Variants in ESRRG observed in about 807,000 individuals in gnomAD.
ESRRG encodes estrogen-related receptor gamma.
A neutral mutation model predicts 44.0 loss-of-function variants in ESRRG; 13 were observed. The ratio of observed to expected loss-of-function variants is 0.30; its 90% confidence interval spans 0.19 to 0.47. The LOEUF is 0.47. ESRRG is among the 20% of genes least tolerant of loss of function. The pLI is 1.00. For missense variants in ESRRG, 395 were observed against 580.6 expected (o/e 0.68, Z 3.29); for synonymous variants, 215 against 214.6 (o/e 1.00, Z -0.02).
chr1:216,777,800 T>C (rs1238686650), intron 2 of ESRRG, among the ~76,000 whole-genome samples: 2 of 152,136 alleles, frequency 1.3e-5, no homozygotes, highest in Non-Finnish European at 2.9e-5. Context: ...CTTTTCTGAA[T>C]GCAGGAATGT....
At chr1:216,514,743 G>A (rs10863246) in intron 6 of ESRRG, among the ~76,000 whole-genome samples, 43,393 of 151,884 alleles carry the variant, frequency 0.29, 7,398 homozygotes, top group East Asian at 0.56. Flanking sequence ...AGCTTTCTTC[G>A]CATACCTGTG....
At chr1:217,123,212 A>G (rs927927970) in intron 1 of ESRRG, among the ~76,000 whole-genome samples, 23 of 152,136 alleles carry the variant, frequency 1.5e-4, no homozygotes, top group African/African-American at 4.8e-4. Context: ...GGAAATGAAA[A>G]GGAATAGATG....
chr1:216,555,693 CTTTG>C (rs919513130), intron 5 of ESRRG, among the ~76,000 whole-genome samples: 1 of 152,120 alleles, frequency 6.6e-6, no homozygotes, highest in East Asian at 1.9e-4. Flanking sequence ...TTCCTCTGCT[CTTTG>C]TTTTTCAGCC....
intron 2 of ESRRG, among the ~76,000 whole-genome samples, chr1:216,657,278 T>C (rs532052005): frequency 6.6e-6 from 1 of 152,290 alleles, no homozygotes; most frequent in South Asian, 2.1e-4. Flanking sequence ...TCAATGCACA[T>C]GTAAGTTAAG....
intron 3 of ESRRG, among the ~76,000 whole-genome samples, chr1:216,614,912 T>A (rs1174734752): frequency 6.6e-6 from 1 of 152,188 alleles, no homozygotes; most frequent in Non-Finnish European, 1.5e-5. Flanking sequence ...TGGGAAATAA[T>A]GGAGAAATGC....
chr1:216,744,053 T>C (rs2091083779), intron 2 of ESRRG, among the ~76,000 whole-genome samples: 1 of 152,152 alleles, frequency 6.6e-6, no homozygotes, highest in South Asian at 2.1e-4. Context: ...TTCCTCTTTT[T>C]ATCTAAGTGA....
intron 5 of ESRRG, among the ~76,000 whole-genome samples, chr1:216,530,525 T>C (rs2049059530): frequency 6.6e-6 from 1 of 152,186 alleles, no homozygotes; most frequent in African/African-American, 2.4e-5. Context: ...AAAAGATCTT[T>C]GTGTAACTGT....
chr1:216,914,906 G>C (rs938746002), intron 2 of ESRRG, among the ~76,000 whole-genome samples: 1 of 152,128 alleles, frequency 6.6e-6, no homozygotes, highest in Non-Finnish European at 1.5e-5. Flanking sequence ...GAAGTCTCAG[G>C]CTCTGAAAAA....
At chr1:216,873,655 T>C (rs971640838) in intron 2 of ESRRG, among the ~76,000 whole-genome samples, 1 of 151,752 alleles carries the variant, frequency 6.6e-6, no homozygotes, top group Non-Finnish European at 1.5e-5. Context: ...CAGCCACATA[T>C]GCCCACATTT....
chr1:217,091,715 T>G (rs1465752483), upstream of ESRRG, among the ~76,000 whole-genome samples: 1 of 152,182 alleles, frequency 6.6e-6, no homozygotes, highest in Non-Finnish European at 1.5e-5. Flanking sequence ...TGTCGGGTGC[T>G]TAGATGTTAC....
chr1:216,534,193 G>A (rs572830184), intron 5 of ESRRG, among the ~76,000 whole-genome samples: 4 of 152,124 alleles, frequency 2.6e-5, no homozygotes, highest in South Asian at 4.1e-4. Context: ...TGTGCTTCTC[G>A]CTCATTCACT....
intron 1 of ESRRG, among the ~76,000 whole-genome samples, chr1:216,967,052 T>G (rs954529621): frequency 6.6e-6 from 1 of 152,120 alleles, no homozygotes; most frequent in African/African-American, 2.4e-5. Flanking sequence ...TGTCTTCTAC[T>G]CTTTTTAAGA....
intron 2 of ESRRG, among the ~76,000 whole-genome samples, chr1:216,783,747 A>G (rs1315569605): frequency 6.6e-6 from 1 of 151,946 alleles, no homozygotes; most frequent in Admixed American, 6.6e-5. Flanking sequence ...TGACAAAACT[A>G]CATTAGAAGG....
At chr1:216,534,854 G>A (rs1057191005) in intron 5 of ESRRG, among the ~76,000 whole-genome samples, 10 of 152,212 alleles carry the variant, frequency 6.6e-5, no homozygotes, top group African/African-American at 9.6e-5. Flanking sequence ...TCCTTTTGAC[G>A]GCATCAGCCT....
chr1:216,836,174 C>T (rs1180148452), intron 2 of ESRRG, among the ~76,000 whole-genome samples: 1 of 151,348 alleles, frequency 6.6e-6, no homozygotes, highest in East Asian at 1.9e-4. Flanking sequence ...ATTTTCAAAC[C>T]TAACAAAAAT....
chr1:216,950,491 A>G (rs755283467), intron 1 of ESRRG, among the ~76,000 whole-genome samples: 4 of 152,186 alleles, frequency 2.6e-5, no homozygotes, highest in Non-Finnish European at 4.4e-5. Context: ...TACTGCCTTG[A>G]TTTTCAACAA....
At chr1:217,089,705 G>C (rs1006125419), upstream of ESRRG, 1 of 152,102 alleles carries the variant, frequency 6.6e-6, no homozygotes, top group Non-Finnish European at 1.5e-5. Context: ...CGGTGGCAAG[G>C]GCACGGCCCC....
chr1:216,850,318 G>A (rs1275023612), intron 2 of ESRRG, among the ~76,000 whole-genome samples: 2 of 151,964 alleles, frequency 1.3e-5, no homozygotes, highest in Non-Finnish European at 2.9e-5. Context: ...TCTAATAAAT[G>A]CCACCTATTA....
chr1:217,104,573 A>C (rs558005742), intron 1 of ESRRG, among the ~76,000 whole-genome samples: 1 of 152,220 alleles, frequency 6.6e-6, no homozygotes, highest in South Asian at 2.1e-4. Context: ...AGTGAGAGCA[A>C]TTTTTAAAGG....
Sources: gnomAD v4.1 joint callset for allele counts (sites outside exome capture counted in the v4.1 genomes callset) on GRCh38, gnomAD v4.1.1 for gene constraint, MANE v1.5 for transcripts, NCBI Gene and HGNC (gene_info 2026-07-23, HGNC 2026-07-21) for gene names.